Variants in IMMP2L observed in about 807,000 individuals in gnomAD.
IMMP2L encodes inner mitochondrial membrane peptidase subunit 2, also known as mitochondrial inner membrane protease subunit 2.
A neutral mutation model predicts 19.3 loss-of-function variants in IMMP2L; 18 were observed. The ratio of observed to expected loss-of-function variants is 0.93; its 90% CI spans 0.64 to 1.38. IMMP2L has a LOEUF of 1.38. IMMP2L is among the 40% of genes most tolerant of loss of function. The pLI, the probability that IMMP2L is intolerant of heterozygous loss-of-function variation, is 0.00. For synonymous variants in IMMP2L, 76 were observed against 73.0 expected (o/e 1.04, Z -0.21); for missense variants, 233 against 218.2 (o/e 1.07, Z -0.43).
intron 5 of IMMP2L, among the ~76,000 whole-genome samples, chr7:110,780,463 A>G (rs1427786061): frequency 6.6e-6 from 1 of 151,786 alleles, no homozygotes; most frequent in African/African-American, 2.4e-5. Context: ...ATTCCCACAT[A>G]TAAACTGAGA....
chr7:111,087,495 A>C (rs538962396), intron 3 of IMMP2L, among the ~76,000 whole-genome samples: 1 of 151,942 alleles, frequency 6.6e-6, no homozygotes, highest in Non-Finnish European at 1.5e-5. Context: ...GAATAGCTAT[A>C]ATTCAACTGG....
At chr7:111,180,078 T>C (rs1586712358) in intron 3 of IMMP2L, among the ~76,000 whole-genome samples, 1 of 152,032 alleles carries the variant, frequency 6.6e-6, no homozygotes, top group South Asian at 2.1e-4. Flanking sequence ...ATATCAGCAA[T>C]AAGACTGCTT....
In IMMP2L at chr7:110,729,929, ATTTT is replaced by A. The variant is rs35261835; in HGVS notation, c.409-66212_409-66209del. On this transcript the variant is annotated intron_variant, in intron 5 of 5. Transcript: ENST00000405709. ...ACTCCAGAACTTAAAATAAAAGTTG[ATTTT>A]TTTTTTTTTTTAAAAAGCAACGCAT... Among the ~76,000 whole-genome samples the A allele has an allele frequency of 1.0e-3, 152 of 148,676 alleles. 1 individual carries two copies. The highest frequency in any genetic ancestry group is 3.4e-3 in the African/African-American group (137 of 40,364).
At chr7:111,133,892 C>T (rs760435769) in intron 3 of IMMP2L, among the ~76,000 whole-genome samples, 33 of 151,954 alleles carry the variant, frequency 2.2e-4, no homozygotes, top group Non-Finnish European at 4.6e-4. Context: ...TATTATAGTC[C>T]AGTATTTGAT....
At chr7:110,946,059 G>C (rs932669394) in intron 4 of IMMP2L, among the ~76,000 whole-genome samples, 1 of 152,138 alleles carries the variant, frequency 6.6e-6, no homozygotes. Flanking sequence ...AATTCAAGCA[G>C]TTAATTGGTG....
chr7:111,200,746 C>G (rs888977906), intron 3 of IMMP2L, among the ~76,000 whole-genome samples: 1 of 152,022 alleles, frequency 6.6e-6, no homozygotes, highest in African/African-American at 2.4e-5. Flanking sequence ...CAACTCTGCC[C>G]TGGCAGAGAA....
chr7:111,370,715 C>G (rs368818623), intron 3 of IMMP2L, among the ~76,000 whole-genome samples: 1 of 151,814 alleles, frequency 6.6e-6, no homozygotes, highest in Non-Finnish European at 1.5e-5. Context: ...GACAAAAAGG[C>G]AGCATGTTAA....
intron 4 of IMMP2L, among the ~76,000 whole-genome samples, chr7:110,953,324 A>G (rs1450310862): frequency 2.3e-5 from 3 of 130,846 alleles, no homozygotes; most frequent in African/African-American, 9.0e-5. Context: ...CTTGTCCCCC[A>G]CCCCCCGACA....
chr7:110,866,740 G>A (rs1808019693), intron 5 of IMMP2L, among the ~76,000 whole-genome samples: 2 of 152,062 alleles, frequency 1.3e-5, no homozygotes, highest in Non-Finnish European at 2.9e-5. Context: ...TGAACCCAAA[G>A]GAGTAAATCC....
At chr7:110,836,775 G>A (rs1156728064) in intron 5 of IMMP2L, among the ~76,000 whole-genome samples, 1 of 152,016 alleles carries the variant, frequency 6.6e-6, no homozygotes, top group Non-Finnish European at 1.5e-5. Flanking sequence ...TGGCTGATGT[G>A]GTATAATGAA....
intron 3 of IMMP2L, among the ~76,000 whole-genome samples, chr7:111,451,830 C>A (rs542862430): frequency 6.6e-6 from 1 of 151,806 alleles, no homozygotes; most frequent in Non-Finnish European, 1.5e-5. Context: ...AGAAATCCTA[C>A]GTTTTCTCTC....
chr7:111,076,687 T>C (rs1426553573), intron 3 of IMMP2L, among the ~76,000 whole-genome samples: 1 of 152,094 alleles, frequency 6.6e-6, no homozygotes, highest in Non-Finnish European at 1.5e-5. Flanking sequence ...AATAGTGTGG[T>C]CAATTTGCTG....
chr7:110,799,526 A>G (rs546853162), intron 5 of IMMP2L, among the ~76,000 whole-genome samples: 1 of 152,178 alleles, frequency 6.6e-6, no homozygotes, highest in South Asian at 2.1e-4. Flanking sequence ...TTTTGGAAGC[A>G]TGTCATGTAA....
chr7:111,450,907 A>C (rs1183034767), intron 3 of IMMP2L, among the ~76,000 whole-genome samples: 1 of 151,852 alleles, frequency 6.6e-6, no homozygotes, highest in Non-Finnish European at 1.5e-5. Flanking sequence ...AGGGACATGA[A>C]CAGGCACTTC....
chr7:110,705,426 A>G (rs1005944153), intron 5 of IMMP2L, among the ~76,000 whole-genome samples: 2 of 152,120 alleles, frequency 1.3e-5, no homozygotes, highest in Admixed American at 6.5e-5. Flanking sequence ...GATTTGTCCA[A>G]CCCCTAAGAG....
In IMMP2L at chr7:110,873,609, C is replaced by CA. The variant is rs112177055; in HGVS notation, c.408+12983dup. On this transcript the variant is annotated intron_variant, in intron 5 of 5. Transcript: ENST00000405709. ...TGAAACCCCGTCTTTACTAAAATTA[C>CA]AAAAAAAAAAAAAAATTAGCCAGGC... Among the ~76,000 whole-genome samples, 221 of 114,296 alleles carry CA rather than the reference C, an allele frequency of 1.9e-3. 1 individual carries two copies. In the East Asian group the frequency reaches 0.021, roughly 11 times the overall value. 75.0% of individuals were successfully genotyped at this position (114,296 alleles called of 152,430 possible). A position where few individuals can be genotyped will look rare whatever the true frequency, so the allele number is the denominator to read the frequency against.
chr7:110,681,747 G>A (rs1792735115), intron 5 of IMMP2L, among the ~76,000 whole-genome samples: 1 of 152,142 alleles, frequency 6.6e-6, no homozygotes, highest in East Asian at 1.9e-4. Flanking sequence ...AGAGGAGGAT[G>A]GTTGTCATAA....
intron 3 of IMMP2L, among the ~76,000 whole-genome samples, chr7:111,146,259 GAGGA>G: frequency 7.4e-6 from 1 of 135,672 alleles, no homozygotes; most frequent in Admixed American, 7.4e-5. Flanking sequence ...GGAGGAAAGG[GAGGA>G]AGGGAGGGAG....
intron 3 of IMMP2L, among the ~76,000 whole-genome samples, chr7:111,387,623 A>T (rs1480163024): frequency 6.6e-6 from 1 of 152,174 alleles, no homozygotes; most frequent in Non-Finnish European, 1.5e-5. Flanking sequence ...TGCATAACAG[A>T]ATCTTAAGCT....
Sources: gnomAD v4.1 joint callset for allele counts (sites outside exome capture counted in the v4.1 genomes callset) on GRCh38, gnomAD v4.1.1 for gene constraint, MANE v1.5 for transcripts, NCBI Gene and HGNC (gene_info 2026-07-23, HGNC 2026-07-21) for gene names.